A1CF: variants seen among roughly 807,000 people sequenced by gnomAD.
A1CF encodes APOBEC-1 stimulating protein.
A neutral mutation model predicts 68.9 loss-of-function variants in A1CF; 48 were observed. That is an observed-to-expected ratio of 0.70 (90% CI 0.55 to 0.89). The LOEUF is 0.89. Ranked by LOEUF, A1CF falls within the 40% of genes least tolerant of loss-of-function variation. A1CF has a pLI of 0.00. For synonymous variants in A1CF, 272 were observed against 260.4 expected, an observed-to-expected ratio of 1.04 and a Z score of -0.43; for missense variants, 653 against 718.9, an observed-to-expected ratio of 0.91 and a Z score of 1.05.
chr10:50,877,303 G>A (rs1477883354), intron 1 of A1CF, among the ~76,000 whole-genome samples: 3 of 152,178 alleles, frequency 2.0e-5, no homozygotes, highest in South Asian at 2.1e-4. Flanking sequence ...GCTGTGTGTG[G>A]TCTATTTCAT....
intron 12 of A1CF, among the ~76,000 whole-genome samples, chr10:50,807,641 A>G (rs532685226): frequency 6.6e-6 from 1 of 152,316 alleles, no homozygotes; most frequent in East Asian, 1.9e-4. Context: ...CTAGTGGATG[A>G]GCATTCACTT....
intron 6 of A1CF, among the ~76,000 whole-genome samples, chr10:50,835,633 G>C (rs1839451797): frequency 6.6e-6 from 1 of 152,090 alleles, no homozygotes; most frequent in South Asian, 2.1e-4. Context: ...GAAATTATTA[G>C]ACAACAGGGA....
chr10:50,837,446 G>A (rs1839554259), intron 5 of A1CF, among the ~76,000 whole-genome samples: 1 of 152,110 alleles, frequency 6.6e-6, no homozygotes, highest in East Asian at 1.9e-4. Context: ...GTATCTTCTG[G>A]GAATATGTCC....
At chr10:50,851,757 A>C (rs1840255246) in intron 3 of A1CF, among the ~76,000 whole-genome samples, 1 of 152,208 alleles carries the variant, frequency 6.6e-6, no homozygotes, top group Admixed American at 6.5e-5. Flanking sequence ...AATTCTCTCT[A>C]TATGGGATTG....
At chr10:50,850,768 C>A (rs1359214474) in intron 3 of A1CF, 1 of 1,614,064 alleles carries the variant, frequency 6.2e-7, no homozygotes, top group South Asian at 1.1e-5. Context: ...TGGGCATGTG[C>A]CCAGACACAC....
intron 3 of A1CF, among the ~76,000 whole-genome samples, chr10:50,855,841 A>G (rs1358559892): frequency 6.6e-6 from 1 of 151,882 alleles, no homozygotes; most frequent in Non-Finnish European, 1.5e-5. Flanking sequence ...AAAATTCTAA[A>G]CTATCATTTT....
intron 1 of A1CF, among the ~76,000 whole-genome samples, chr10:50,868,604 A>G (rs1467077730): frequency 6.6e-6 from 1 of 152,220 alleles, no homozygotes; most frequent in Non-Finnish European, 1.5e-5. Context: ...GCAAAAAATC[A>G]TATATTAATT....
At chr10:50,861,040 G>GA (rs912514167) in intron 2 of A1CF, among the ~76,000 whole-genome samples, 6 of 152,112 alleles carry the variant, frequency 3.9e-5, no homozygotes, top group African/African-American at 1.4e-4. Context: ...AGGTACTTTT[G>GA]AAAATTTTCT....
intron 1 of A1CF, among the ~76,000 whole-genome samples, chr10:50,877,847 G>A (rs1424432588): frequency 6.6e-6 from 1 of 152,336 alleles, no homozygotes; most frequent in Non-Finnish European, 1.5e-5. Flanking sequence ...AGAGGGCCGG[G>A]CGCCGTGGCT....
At chr10:50,836,452 G>T in intron 5 of A1CF, 140 bp from the exon 6 acceptor site, 2 of 868,900 alleles carry the variant, frequency 2.3e-6, no homozygotes, top group Non-Finnish European at 3.4e-6. Flanking sequence ...GAGAGTTGTG[G>T]CTTCTTTTGC....
chr10:50,884,611 C>T (rs183803776), intron 1 of A1CF, among the ~76,000 whole-genome samples: 55 of 152,294 alleles, frequency 3.6e-4, no homozygotes, highest in Admixed American at 9.8e-4. Context: ...TGCCAAAATA[C>T]GATCTATAAA....
At chr10:50,853,298 A>G (rs999880758) in intron 3 of A1CF, among the ~76,000 whole-genome samples, 3 of 152,092 alleles carry the variant, frequency 2.0e-5, no homozygotes, top group African/African-American at 4.8e-5. Flanking sequence ...TTGTTTAAGG[A>G]GTACTGCCTG....
intron 3 of A1CF, among the ~76,000 whole-genome samples, chr10:50,849,657 A>T (rs1236554586): frequency 6.6e-6 from 1 of 152,172 alleles, no homozygotes; most frequent in Non-Finnish European, 1.5e-5. Flanking sequence ...TTTAATAATT[A>T]TGCATTTATT....
chr10:50,841,389 A>G (rs1172376671), intron 5 of A1CF, among the ~76,000 whole-genome samples: 1 of 152,150 alleles, frequency 6.6e-6, no homozygotes, highest in Non-Finnish European at 1.5e-5. Context: ...CCAAGGTCTG[A>G]CTGTCATGAC....
At chr10:50,812,089 T>A (rs1386093067) in intron 10 of A1CF, among the ~76,000 whole-genome samples, 1 of 152,258 alleles carries the variant, frequency 6.6e-6, no homozygotes, top group Non-Finnish European at 1.5e-5. Flanking sequence ...TTACTGTTTT[T>A]TCTATTGATA....
intron 3 of A1CF, among the ~76,000 whole-genome samples, chr10:50,851,730 A>C (rs1840252877): frequency 6.6e-6 from 1 of 152,216 alleles, no homozygotes; most frequent in Admixed American, 6.5e-5. Context: ...AGCCTGAGAG[A>C]GAACTGAAAG....
intron 1 of A1CF, among the ~76,000 whole-genome samples, chr10:50,878,139 A>G (rs1036631234): frequency 8.5e-5 from 13 of 152,150 alleles, no homozygotes; most frequent in Admixed American, 8.5e-4. Flanking sequence ...AAAAAAAGAA[A>G]AAAAGAGAAA....
intron 8 of A1CF, among the ~76,000 whole-genome samples, chr10:50,819,566 G>T (rs151140916): frequency 6.6e-6 from 1 of 151,996 alleles, no homozygotes; most frequent in Non-Finnish European, 1.5e-5. Context: ...GTCCCCACTC[G>T]CACTTTTGTA....
At position 50,811,058 on chromosome 10, in the gene A1CF, G is replaced by C; in HGVS notation, c.1442C>G (p.Ala481Gly). Residue 481 changes from alanine (A) to glycine (G), a missense_variant, in exon 11 of 13, where the codon GCC becomes GGC. Transcript: ENST00000373997. ...TACGCACATTGCAGGATTCTGGCTG[G>C]CTAGAGCAGGAATAGTTATTTTGTA... ...FLYKITIPAL[A>G]SQNPAIHPFT... The C allele has an allele frequency of 6.2e-7, 1 of 1,612,936 alleles. No homozygotes were observed. The highest frequency in any genetic ancestry group is 8.5e-7 in the Non-Finnish European group (1 of 1,179,266).
Sources: allele counts gnomAD v4.1 joint callset (sites outside exome capture counted in the v4.1 genomes callset), GRCh38; gene constraint gnomAD v4.1.1; transcripts MANE v1.5; gene names NCBI Gene and HGNC (gene_info 2026-07-23, HGNC 2026-07-21).